MAP2K5: variants seen among roughly 807,000 people sequenced by gnomAD.
MAP2K5 encodes the protein dual specificity mitogen-activated protein kinase kinase 5.
In MAP2K5, 49 loss-of-function variants were observed where a neutral mutation model predicts 83.1. The ratio of observed to expected loss-of-function variants is 0.59; its 90% confidence interval spans 0.47 to 0.75. The LOEUF is 0.75. Among genes scored for constraint, MAP2K5 ranks in the 30% least tolerant of loss-of-function variants. MAP2K5 has a pLI of 0.00. For missense variants in MAP2K5, 457 were observed against 557.5 expected, an observed-to-expected ratio of 0.82 and a Z score of 1.82; for synonymous variants, 202 against 191.8, an observed-to-expected ratio of 1.05 and a Z score of -0.44.
intron 17 of MAP2K5, among the ~76,000 whole-genome samples, chr15:67,741,896 AC>A (rs2089501444): frequency 7.0e-6 from 1 of 143,784 alleles, no homozygotes; most frequent in African/African-American, 2.5e-5. Flanking sequence ...ATAAGAAAGA[AC>A]TTTTTTTTTT....
rs1364923012 is a variant in MAP2K5, at chr15:67,736,675, T to G, written c.1074+8730T>G. Among the ~76,000 whole-genome samples, 1 of 152,212 alleles carries G rather than the reference T, an allele frequency of 6.6e-6. No homozygotes were observed. Among genetic ancestry groups the G allele is most frequent in the Non-Finnish European group, 1.5e-5 (1 of 68,046 alleles). On this transcript the variant is annotated intron_variant, in intron 17 of 21. Transcript: ENST00000178640. This position sits in a 1 kb window ranked among gnomAD's most constrained non-coding sequence, Gnocchi z 4.3. ...ATATACAGAATCTCGTCATTTTTAG[T>G]TCAGTTACTGGGGACCATGATTCCC...
intron 11 of MAP2K5, among the ~76,000 whole-genome samples, chr15:67,654,031 T>C (rs1177340975): frequency 2.0e-5 from 3 of 152,222 alleles, no homozygotes; most frequent in Non-Finnish European, 4.4e-5. Context: ...AAGTATCCTT[T>C]ACATGTCAGT....
At position 67,600,693 on chromosome 15, in the gene MAP2K5, A is replaced by G; in HGVS notation, c.489A>G (p.Glu163=). 6.2e-7 allele frequency: 1 copy of G among 1,609,996 alleles called. No homozygotes were observed. Among genetic ancestry groups the G allele is most frequent in the Non-Finnish European group, 8.5e-7 (1 of 1,178,730 alleles). Residue 163 remains glutamate (E), a synonymous_variant, in exon 8 of 22, where the codon GAA becomes GAG. Transcript: ENST00000178640. ...CTTTCTTTCTTGTGGAGATGAATGA[A>G]CAAGACATACGATATCGGGACACTC... ...KKILANGQMN[E]QDIRYRDTLG...
rs555685033 is a variant in MAP2K5, at chr15:67,576,656, G to A, written c.253-4098G>A. Among the ~76,000 whole-genome samples the A allele has an allele frequency of 2.8e-4, 42 of 147,402 alleles. 1 individual carries two copies. Among genetic ancestry groups the A allele is most frequent in the African/African-American group, 1.0e-3 (41 of 40,736 alleles). ...TATCGCTGCAGTTACTGCATGTAAC[G>A]GATTATGCAAGGGGTAACAGGAGAA... On this transcript the variant is annotated intron_variant, in intron 3 of 21. Transcript: ENST00000178640.
intron 3 of MAP2K5, among the ~76,000 whole-genome samples, chr15:67,574,862 A>G (rs2085022906): frequency 6.6e-6 from 1 of 152,186 alleles, no homozygotes; most frequent in Non-Finnish European, 1.5e-5. Flanking sequence ...GTGAGACTCC[A>G]TCTCAAAAAA....
chr15:67,643,483 G>A (rs1054078606), intron 9 of MAP2K5, among the ~76,000 whole-genome samples: 3 of 150,020 alleles, frequency 2.0e-5, no homozygotes, highest in Non-Finnish European at 4.5e-5. Context: ...GTCTCGCTCT[G>A]TTGCCCAGAC....
intron 3 of MAP2K5, among the ~76,000 whole-genome samples, chr15:67,576,241 T>G (rs1050643517): frequency 6.8e-6 from 1 of 147,424 alleles, no homozygotes; most frequent in African/African-American, 2.5e-5. Context: ...ATAGAAAATT[T>G]GTGCCTCATA....
At chr15:67,600,543 A>G in intron 7 of MAP2K5, 142 bp from the exon 8 acceptor site, 1 of 643,528 alleles carries the variant, frequency 1.6e-6, no homozygotes, top group Non-Finnish European at 2.7e-6. Context: ...TTGGACAGCA[A>G]ACGTTGTATT....
chr15:67,736,691 C>A lies in MAP2K5; in HGVS notation c.1074+8746C>A, dbSNP rs933246616. On this transcript the variant is annotated intron_variant, in intron 17 of 21. Transcript: ENST00000178640. The surrounding 1 kb of genome is among the most constrained non-coding windows in gnomAD (Gnocchi z 4.3). ...CATTTTTAGTTCAGTTACTGGGGACCATGATTCCCTTACAATTTTTAAATA... is the reference window on the plus strand; with the variant it reads ...CATTTTTAGTTCAGTTACTGGGGACAATGATTCCCTTACAATTTTTAAATA... Among the ~76,000 whole-genome samples the A allele has an allele frequency of 6.6e-6, 1 of 152,106 alleles. No homozygotes were observed. The highest frequency in any genetic ancestry group is 2.1e-4 in the South Asian group (1 of 4,826).
intron 11 of MAP2K5, among the ~76,000 whole-genome samples, chr15:67,654,208 C>T (rs971372624): frequency 5.3e-5 from 8 of 152,146 alleles, no homozygotes; most frequent in African/African-American, 9.6e-5. Context: ...TTTGGCACTC[C>T]GTTGTTAGGT....
At chr15:67,632,472 A>C (rs1437917814) in intron 9 of MAP2K5, among the ~76,000 whole-genome samples, 2 of 152,222 alleles carry the variant, frequency 1.3e-5, no homozygotes, top group Non-Finnish European at 2.9e-5. Context: ...TTAGATTAGG[A>C]GACTGAAACT....
chr15:67,548,960 C>A (rs2084451808), intron 1 of MAP2K5: 1 of 1,297,498 alleles, frequency 7.7e-7, no homozygotes, highest in Non-Finnish European at 1.0e-6. Flanking sequence ...TGCAAATTGC[C>A]ACTGCAGCAA....
At chr15:67,597,933 G>A (rs1324612217) in intron 7 of MAP2K5, among the ~76,000 whole-genome samples, 4 of 152,148 alleles carry the variant, frequency 2.6e-5, no homozygotes, top group Non-Finnish European at 5.9e-5. Context: ...GCCGGGCGTG[G>A]TCGCTCATGC....
intron 2 of MAP2K5, among the ~76,000 whole-genome samples, chr15:67,558,261 A>G (rs963064585): frequency 1.3e-5 from 2 of 152,210 alleles, no homozygotes; most frequent in African/African-American, 4.8e-5. Flanking sequence ...TCTGGAATGC[A>G]TGGATGGTTG....
chr15:67,584,992 A>G (rs1596599144), intron 4 of MAP2K5, among the ~76,000 whole-genome samples: 1 of 150,460 alleles, frequency 6.6e-6, no homozygotes, highest in Non-Finnish European at 1.5e-5. Context: ...CACTGCACCC[A>G]GTCATTACCC....
intron 12 of MAP2K5, chr15:67,659,046 T>G (rs920413342): frequency 1.2e-5 from 3 of 242,748 alleles, no homozygotes; most frequent in African/African-American, 6.9e-5. Flanking sequence ...TTTTTTGCAG[T>G]CTTTTTATGT....
intron 15 of MAP2K5, among the ~76,000 whole-genome samples, chr15:67,700,102 G>A (rs1386325512): frequency 6.6e-6 from 1 of 152,102 alleles, no homozygotes. Context: ...TTTTGGAAGA[G>A]ATAAGGGATA....
At chr15:67,800,699 C>A (rs1268442949) in intron 21 of MAP2K5, among the ~76,000 whole-genome samples, 1 of 152,152 alleles carries the variant, frequency 6.6e-6, no homozygotes, top group East Asian at 1.9e-4. Flanking sequence ...GAGCCATGGA[C>A]CACACTGTAT....
intron 6 of MAP2K5, among the ~76,000 whole-genome samples, chr15:67,589,287 G>C (rs1452366878): frequency 6.6e-6 from 1 of 151,916 alleles, no homozygotes; most frequent in African/African-American, 2.4e-5. Flanking sequence ...AGACAAAGTT[G>C]ATAGCCAGAT....
Sources: gnomAD v4.1 joint callset for allele counts (sites outside exome capture counted in the v4.1 genomes callset) on GRCh38, gnomAD v4.1.1 for gene constraint, Gnocchi (gnomAD v3.1) non-coding constraint, MANE v1.5 for transcripts, NCBI Gene and HGNC (gene_info 2026-07-23, HGNC 2026-07-21) for gene names.